Variants in PRP4K observed in about 807,000 individuals in gnomAD.
PRP4K encodes the protein pre-mRNA processing factor kinase PRP4K.
chr6:4,022,288 C>T, the PRP4K span, among the ~76,000 whole-genome samples: 1 of 133,984 alleles, frequency 7.5e-6, no homozygotes, highest in Non-Finnish European at 1.5e-5. Flanking sequence ...AGAATCCATG[C>T]GGCCAAATGA....
At chr6:4,052,961 A>G in the PRP4K span, 10 of 1,236,888 alleles carry the variant, frequency 8.1e-6, no homozygotes, top group African/African-American at 7.6e-5. Context: ...GAGAAACGAC[A>G]TCTTAGAAGC....
the PRP4K span, among the ~76,000 whole-genome samples, chr6:4,044,410 A>G: frequency 6.6e-6 from 1 of 152,184 alleles, no homozygotes; most frequent in Non-Finnish European, 1.5e-5. Flanking sequence ...GATAGTTTGT[A>G]TAGGAAAGGC....
the PRP4K span, among the ~76,000 whole-genome samples, chr6:4,033,093 G>A: frequency 6.6e-6 from 1 of 152,058 alleles, no homozygotes; most frequent in Non-Finnish European, 1.5e-5. Context: ...TTTAGAGAGA[G>A]GATTATTACT....
the PRP4K span, among the ~76,000 whole-genome samples, chr6:4,029,251 G>A: frequency 6.6e-6 from 1 of 151,110 alleles, no homozygotes; most frequent in Admixed American, 6.6e-5. Context: ...ATATATAACT[G>A]CCTTTTGTCA....
chr6:4,049,153 G>A, the PRP4K span: 2 of 1,452,366 alleles, frequency 1.4e-6, no homozygotes, highest in Non-Finnish European at 1.9e-6. Context: ...GTAACACCAT[G>A]CAAAAGCATG....
the PRP4K span, chr6:4,060,791 T>G: frequency 1.5e-6 from 1 of 677,886 alleles, no homozygotes; most frequent in Admixed American, 3.1e-5. This position sits in a 1 kb window ranked among gnomAD's most constrained non-coding sequence, Gnocchi z 4.7. Flanking sequence ...TTAATCTGTT[T>G]TGTGTCTTAC....
At chr6:4,045,449 GA>G in the PRP4K span, among the ~76,000 whole-genome samples, 1 of 152,152 alleles carries the variant, frequency 6.6e-6, no homozygotes. Flanking sequence ...CATTTAATAG[GA>G]AATGCCATTT....
chr6:4,058,941 A>C, the PRP4K span: 1 of 660,496 alleles, frequency 1.5e-6, no homozygotes, highest in South Asian at 2.2e-5. Flanking sequence ...CTGTCGACCA[A>C]TTCCTAAATA....
chr6:4,037,686 T>TC, the PRP4K span: 2 of 943,262 alleles, frequency 2.1e-6, no homozygotes, highest in East Asian at 5.7e-5. Context: ...GTAGTTGTGT[T>TC]CCCATAGTTT....
chr6:4,029,646 C>T, the PRP4K span, among the ~76,000 whole-genome samples: 1 of 152,054 alleles, frequency 6.6e-6, no homozygotes, highest in African/African-American at 2.4e-5. Context: ...AGCCATTGTG[C>T]CTGGGCCAAC....
chr6:4,026,096 G>C, the PRP4K span, among the ~76,000 whole-genome samples: 1 of 152,256 alleles, frequency 6.6e-6, no homozygotes. Context: ...CCGCCTCCTG[G>C]GTTCAAGCAG....
chr6:4,035,129 T>A, the PRP4K span, among the ~76,000 whole-genome samples: 1 of 151,182 alleles, frequency 6.6e-6, no homozygotes, highest in Admixed American at 6.6e-5. Context: ...TTTGTTTTGT[T>A]TTTTTGAGAT....
chr6:4,040,916 G>A, the PRP4K span: 78 of 1,612,794 alleles, frequency 4.8e-5, no homozygotes, highest in Middle Eastern at 1.6e-4. Flanking sequence ...AGGAATCTTC[G>A]TCTGATGATA....
chr6:4,044,858 TTATTA>T, the PRP4K span, among the ~76,000 whole-genome samples: 1 of 116,904 alleles, frequency 8.6e-6, no homozygotes. Flanking sequence ...ATTATTATTA[TTATTA>T]TTTTTTTTTT....
At chr6:4,024,848 C>T in the PRP4K span, among the ~76,000 whole-genome samples, 1 of 152,150 alleles carries the variant, frequency 6.6e-6, no homozygotes, top group Non-Finnish European at 1.5e-5. Context: ...GGTGATCCGC[C>T]AGTCTCAGCC....
At chr6:4,044,870 T>A in the PRP4K span, among the ~76,000 whole-genome samples, 9 of 149,430 alleles carry the variant, frequency 6.0e-5, no homozygotes, top group African/African-American at 2.2e-4. Context: ...ATTATTTTTT[T>A]TTTTTTTTAA....
chr6:4,034,649 C>A, the PRP4K span, among the ~76,000 whole-genome samples: 1 of 151,890 alleles, frequency 6.6e-6, no homozygotes, highest in Non-Finnish European at 1.5e-5. Context: ...TTGTTTTAAT[C>A]GAAATTTCTT....
chr6:4,022,427 T>A, the PRP4K span, among the ~76,000 whole-genome samples: 1 of 151,836 alleles, frequency 6.6e-6, no homozygotes, highest in African/African-American at 2.4e-5. Context: ...GAGAATGGAT[T>A]TTACGGCAAT....
At chr6:4,064,716 A>G in the PRP4K span, 3 of 152,620 alleles carry the variant, frequency 2.0e-5, no homozygotes, top group Non-Finnish European at 2.9e-5. Flanking sequence ...CATGTCAATA[A>G]TGTATGCTAA....
Sources: gnomAD v4.1 joint callset for allele counts (sites outside exome capture counted in the v4.1 genomes callset) on GRCh38, gnomAD v4.1.1 for gene constraint, Gnocchi (gnomAD v3.1) non-coding constraint, MANE v1.5 for transcripts, NCBI Gene and HGNC (gene_info 2026-07-23, HGNC 2026-07-21) for gene names.